Variants in ST8SIA6 observed in about 807,000 individuals in gnomAD.
ST8SIA6 encodes alpha-2,8-sialyltransferase 8F.
A neutral mutation model predicts 33.6 loss-of-function variants in ST8SIA6; 39 were observed. The observed-to-expected ratio is 1.16, with a 90% CI of 0.90 to 1.52. The LOEUF is 1.52. Ranked by LOEUF, ST8SIA6 falls within the 40% of genes most tolerant of loss-of-function variation. The pLI is 0.00. For missense variants in ST8SIA6, 441 were observed against 443.8 expected (o/e 0.99, Z 0.06); for synonymous variants, 172 against 167.2 (o/e 1.03, Z -0.22).
At chr10:17,398,821 C>G (rs1238980508) in intron 2 of ST8SIA6, among the ~76,000 whole-genome samples, 1 of 152,140 alleles carries the variant, frequency 6.6e-6, no homozygotes, top group Non-Finnish European at 1.5e-5. Context: ...ATCCTGAGCA[C>G]TGTAGAGGGA....
chr10:17,376,089 T>C (rs1019208902), intron 3 of ST8SIA6, among the ~76,000 whole-genome samples: 3 of 152,170 alleles, frequency 2.0e-5, no homozygotes, highest in Non-Finnish European at 4.4e-5. Flanking sequence ...TGCATTTTAT[T>C]AGTCAAAACC....
intron 2 of ST8SIA6, among the ~76,000 whole-genome samples, chr10:17,428,130 T>C (rs1238427639): frequency 6.6e-6 from 1 of 152,210 alleles, no homozygotes; most frequent in Non-Finnish European, 1.5e-5. Flanking sequence ...AGTGACCAAA[T>C]CTCCCTCAAT....
At chr10:17,439,436 C>T (rs943298354) in intron 2 of ST8SIA6, among the ~76,000 whole-genome samples, 1 of 152,146 alleles carries the variant, frequency 6.6e-6, no homozygotes, top group Admixed American at 6.5e-5. Context: ...CCCACCATCA[C>T]ATCCTGCTAA....
intron 4 of ST8SIA6, among the ~76,000 whole-genome samples, chr10:17,341,900 CAAA>C (rs71393004): frequency 5.5e-5 from 4 of 73,152 alleles, no homozygotes; most frequent in African/African-American, 2.3e-4. Context: ...GGCTCCATCT[CAAA>C]AAAAAAAAAA....
chr10:17,399,212 G>A (rs1850940477), intron 2 of ST8SIA6: 1 of 152,070 alleles, frequency 6.6e-6, no homozygotes. Flanking sequence ...GGTAAGTTCT[G>A]GAGATAAAAC....
chr10:17,422,210 T>G lies in ST8SIA6; in HGVS notation c.200+31349A>C, dbSNP rs563899481. ...TGAATATTGAAGAGCAAAATAAATTTAAAAATCTTTAGGGAAAAGCTTACA... is the reference window on the plus strand; with the variant it reads ...TGAATATTGAAGAGCAAAATAAATTGAAAAATCTTTAGGGAAAAGCTTACA... On this transcript the variant is annotated intron_variant, in intron 2 of 7. Transcript: ENST00000377602. Among the ~76,000 whole-genome samples, 53 of 152,300 alleles carry G rather than the reference T, an allele frequency of 3.5e-4. 1 individual carries two copies. The South Asian group carries it at 9.3e-3, about 27-fold the overall frequency.
Position 17,327,036 on chromosome 10 carries a change from C to G in ST8SIA6, c.613G>C (p.Asp205His). The G allele has an allele frequency of 6.2e-7, 1 of 1,605,288 alleles. No individual in the cohort carries two copies. Among genetic ancestry groups the G allele is most frequent in the Non-Finnish European group, 8.5e-7 (1 of 1,176,706 alleles). The change falls in exon 6 of 8, where the codon GAT (aspartate) becomes CAT (histidine). Residue 205 changes from aspartate (D) to histidine (H), a missense_variant. Physicochemically the swap from Asp to His is moderately conservative, Grantham distance 81 (BLOSUM62 -1). Coordinates refer to ENST00000377602, the MANE Select transcript of ST8SIA6 (RefSeq NM_001004470.3). ...TACCTAAAAACGAAGTCGGATTTAT[C>G]TATTTCAGTTCCACAGAGAGACTTA... ...LNKSLCGTEI[D>H]KSDFVFRCNL...
At chr10:17,364,797 A>G (rs781008721) in intron 3 of ST8SIA6, among the ~76,000 whole-genome samples, 1 of 152,188 alleles carries the variant, frequency 6.6e-6, no homozygotes, top group African/African-American at 2.4e-5. Flanking sequence ...GTTCTAAATC[A>G]CATCATATTT....
At chr10:17,440,886 A>G (rs774498244) in intron 2 of ST8SIA6, among the ~76,000 whole-genome samples, 1 of 152,226 alleles carries the variant, frequency 6.6e-6, no homozygotes, top group Non-Finnish European at 1.5e-5. Context: ...TCACATGCTT[A>G]TTAGCCATCT....
intron 6 of ST8SIA6, among the ~76,000 whole-genome samples, chr10:17,326,462 T>G (rs1193593031): frequency 6.6e-6 from 1 of 152,172 alleles, no homozygotes; most frequent in Non-Finnish European, 1.5e-5. Context: ...GATATTCAGA[T>G]AGAAAACATT....
intron 2 of ST8SIA6, among the ~76,000 whole-genome samples, chr10:17,448,138 A>T (rs1023921350): frequency 1.3e-5 from 2 of 152,144 alleles, no homozygotes; most frequent in Admixed American, 1.3e-4. Flanking sequence ...CCAATTAGCA[A>T]GTAGAGGCCA....
chr10:17,334,811 C>G (rs1848453744), intron 4 of ST8SIA6, among the ~76,000 whole-genome samples: 1 of 152,070 alleles, frequency 6.6e-6, no homozygotes, highest in Admixed American at 6.6e-5. Context: ...CTAGGAAGTG[C>G]TTTCAAGGAT....
chr10:17,451,850 A>G (rs1852923157), intron 2 of ST8SIA6, among the ~76,000 whole-genome samples: 1 of 152,376 alleles, frequency 6.6e-6, no homozygotes, highest in African/African-American at 2.4e-5. Flanking sequence ...GCTTTTACAA[A>G]CACAGAATGG....
At chr10:17,326,988 A>G in intron 6 of ST8SIA6, 26 bp downstream of exon 6, 3 of 1,535,124 alleles carry the variant, frequency 2.0e-6, no homozygotes, top group Non-Finnish European at 2.7e-6. Context: ...CTATTGTTTC[A>G]AAGAAACCAA....
At chr10:17,437,561 C>G (rs1362079868) in intron 2 of ST8SIA6, among the ~76,000 whole-genome samples, 3 of 152,086 alleles carry the variant, frequency 2.0e-5, no homozygotes, top group Non-Finnish European at 4.4e-5. Context: ...ACAACAGGCC[C>G]TGGAACTATG....
chr10:17,333,690 T>TATATATATATAG (rs1848381570), intron 4 of ST8SIA6, among the ~76,000 whole-genome samples: 3 of 39,168 alleles, frequency 7.7e-5, no homozygotes, highest in African/African-American at 1.6e-4. Flanking sequence ...TATATATATA[T>TATATATATATAG]ATATATATAT....
In ST8SIA6 at chr10:17,359,518, A is replaced by T; in HGVS notation, c.373T>A (p.Phe125Ile). 3 of 1,597,418 alleles carry T rather than the reference A, an allele frequency of 1.9e-6. No homozygotes were observed. The highest frequency in any genetic ancestry group is 2.6e-6 in the Non-Finnish European group (3 of 1,171,746). ...WKRQAEEYAN[F>I]RAKLASCCDA... ...ATTATTTATGAAAAAAATTACCTAA[A>T]ATTTGCATATTCTTCTGCTTGCCGT... Residue 125 changes from phenylalanine (F) to isoleucine (I), a missense_variant, in exon 4 of 8, where the codon TTT becomes ATT. Coordinates refer to ENST00000377602, the MANE Select transcript of ST8SIA6 (RefSeq NM_001004470.3).
chr10:17,386,040 CCATG>C (rs748111039), intron 3 of ST8SIA6, among the ~76,000 whole-genome samples: 32 of 152,046 alleles, frequency 2.1e-4, no homozygotes, highest in Non-Finnish European at 4.1e-4. Flanking sequence ...AATTAGCCAG[CCATG>C]GTGGCACGCA....
chr10:17,374,507 G>C (rs1227600861), intron 3 of ST8SIA6, among the ~76,000 whole-genome samples: 1 of 151,780 alleles, frequency 6.6e-6, no homozygotes, highest in Non-Finnish European at 1.5e-5. Context: ...TGGATCATCT[G>C]AGGTCAGGAG....
Sources: allele counts gnomAD v4.1 joint callset (sites outside exome capture counted in the v4.1 genomes callset), GRCh38; gene constraint gnomAD v4.1.1; transcripts MANE v1.5; gene names NCBI Gene and HGNC (gene_info 2026-07-23, HGNC 2026-07-21).